Variants in CADM2 observed in about 807,000 individuals in gnomAD.
The protein encoded by CADM2 is immunoglobulin superfamily member 4D.
In CADM2, 12 loss-of-function variants were observed where a neutral mutation model predicts 49.8. The observed-to-expected ratio is 0.24, with a 90% CI of 0.15 to 0.39. The LOEUF (loss-of-function observed/expected upper bound fraction) is 0.39, where lower values mean the gene tolerates loss of function less well. Ranked by LOEUF, CADM2 falls within the 10% of genes least tolerant of loss-of-function variation. The pLI, the probability that CADM2 is intolerant of heterozygous loss-of-function variation, is 1.00. For synonymous variants in CADM2, 214 were observed against 175.4 expected (o/e 1.22, Z -1.74); for missense variants, 378 against 492.3 (o/e 0.77, Z 2.20).
chr3:85,315,161 C>T (rs867736717), intron 1 of CADM2, among the ~76,000 whole-genome samples: 3 of 152,030 alleles, frequency 2.0e-5, no homozygotes, highest in Non-Finnish European at 2.9e-5. Context: ...TCTTCCAGGC[C>T]GAGTGAAGTG....
In CADM2 at chr3:85,723,296, T is replaced by C. The variant is rs1225055252; in HGVS notation, c.62-3226T>C. On this transcript the variant is annotated intron_variant, in intron 1 of 9. Transcript: ENST00000383699. ...ATCTAAAACTTTTCTCTGGTCAAAGTATCTTTAATTCTGTTCTGTTTATTT... is the reference window on the plus strand; with the variant it reads ...ATCTAAAACTTTTCTCTGGTCAAAGCATCTTTAATTCTGTTCTGTTTATTT... Among the ~76,000 whole-genome samples the C allele has an allele frequency of 2.0e-5, 3 of 152,182 alleles. No individual in the cohort carries two copies. In the East Asian group the frequency reaches 5.8e-4, roughly 29 times the overall value.
intron 8 of CADM2, among the ~76,000 whole-genome samples, chr3:85,998,993 A>G (rs916837715): frequency 6.6e-6 from 1 of 152,200 alleles, no homozygotes; most frequent in East Asian, 1.9e-4. Flanking sequence ...GCAATTTATC[A>G]AAGTAAGAAA....
chr3:85,325,535 C>A (rs868119334), intron 1 of CADM2, among the ~76,000 whole-genome samples: 1 of 151,952 alleles, frequency 6.6e-6, no homozygotes, highest in Non-Finnish European at 1.5e-5. Flanking sequence ...CATGGCGAAA[C>A]CCCGTTTCTG....
intron 8 of CADM2, among the ~76,000 whole-genome samples, chr3:86,028,826 C>T (rs73136111): frequency 4.7e-4 from 71 of 152,234 alleles, no homozygotes; most frequent in Non-Finnish European, 9.0e-4. Flanking sequence ...GGTGATAATA[C>T]CTGGTTTACC....
chr3:85,886,136 T>C, intron 4 of CADM2, 54 bp from the exon 5 acceptor site: 1 of 1,599,534 alleles, frequency 6.3e-7, no homozygotes, highest in South Asian at 1.1e-5. Context: ...ATAGACATAA[T>C]AACAAATCAA....
At chr3:85,547,490 T>C (rs2061696166) in intron 1 of CADM2, among the ~76,000 whole-genome samples, 1 of 105,190 alleles carries the variant, frequency 9.5e-6, no homozygotes, top group Non-Finnish European at 2.4e-5. Flanking sequence ...CTGTTTGATA[T>C]GGTGGGAAAA....
At chr3:85,601,028 A>G (rs2063375700) in intron 1 of CADM2, among the ~76,000 whole-genome samples, 2 of 149,746 alleles carry the variant, frequency 1.3e-5, no homozygotes. Flanking sequence ...TTGCCTCCAT[A>G]TGTATATATT....
At chr3:85,714,652 G>A (rs1402124083) in intron 1 of CADM2, among the ~76,000 whole-genome samples, 4 of 151,802 alleles carry the variant, frequency 2.6e-5, no homozygotes, top group African/African-American at 9.7e-5. Context: ...GGATGGTCTC[G>A]ATCTCCTGAC....
intron 1 of CADM2, among the ~76,000 whole-genome samples, chr3:85,136,410 T>G (rs1250379338): frequency 6.6e-6 from 1 of 151,812 alleles, no homozygotes; most frequent in African/African-American, 2.4e-5. Flanking sequence ...TTGAAAAAGT[T>G]TAGAAACAGA....
intron 8 of CADM2, chr3:85,994,529 G>A (rs1489311149): frequency 6.6e-6 from 1 of 152,158 alleles, no homozygotes; most frequent in Non-Finnish European, 1.5e-5. Context: ...TTTACAACTT[G>A]ACTGGCACAA....
intron 8 of CADM2, among the ~76,000 whole-genome samples, chr3:86,065,113 TC>T (rs1263818211): frequency 1.3e-5 from 2 of 152,216 alleles, no homozygotes; most frequent in African/African-American, 4.8e-5. Context: ...TTCTCAGACC[TC>T]TTATTTTCTC....
chr3:85,891,263 G>A (rs529094066), intron 5 of CADM2, among the ~76,000 whole-genome samples: 2 of 152,246 alleles, frequency 1.3e-5, no homozygotes, highest in South Asian at 2.1e-4. Flanking sequence ...AGCTCCCTAA[G>A]AGCTTACATT....
In CADM2 at chr3:86,072,139, G is replaced by A. The variant is rs1171837341; in HGVS notation, c.*5356G>A. ...GTAATTTAATTATCCTAAAAGAAAT[G>A]ACAGATTCTTCTGTAGGAAAAAATA... On this transcript the variant is annotated 3_prime_UTR_variant, in exon 10 of 10. Transcript: ENST00000383699. 1.3e-5 allele frequency: 2 copies of A among 151,676 alleles called. No homozygotes were observed. The highest frequency in any genetic ancestry group is 4.8e-5 in the African/African-American group (2 of 41,368). 9.4% of individuals were successfully genotyped at this position (151,676 alleles called of 1,614,324 possible).
chr3:85,205,579 A>G (rs932193706), intron 1 of CADM2, among the ~76,000 whole-genome samples: 1 of 152,166 alleles, frequency 6.6e-6, no homozygotes, highest in Non-Finnish European at 1.5e-5. Context: ...ATAATTTTAG[A>G]AAAATAATTC....
intron 1 of CADM2, among the ~76,000 whole-genome samples, chr3:85,679,652 A>G (rs978843903): frequency 5.9e-5 from 9 of 152,072 alleles, no homozygotes; most frequent in African/African-American, 2.2e-4. Flanking sequence ...TTTCCGATTG[A>G]TTTGGGAGTT....
At chr3:85,300,404 G>A (rs2044067841) in intron 1 of CADM2, among the ~76,000 whole-genome samples, 1 of 151,968 alleles carries the variant, frequency 6.6e-6, no homozygotes, top group Non-Finnish European at 1.5e-5. Context: ...TTATATGAAA[G>A]GCATTTTTAT....
intron 1 of CADM2, among the ~76,000 whole-genome samples, chr3:85,597,820 T>C (rs2063287462): frequency 1.3e-5 from 2 of 152,070 alleles, no homozygotes; most frequent in African/African-American, 2.4e-5. Flanking sequence ...ACAAACCTAA[T>C]CAATATCTGC....
At chr3:85,179,143 T>A (rs1308898111) in intron 1 of CADM2, among the ~76,000 whole-genome samples, 1 of 152,002 alleles carries the variant, frequency 6.6e-6, no homozygotes, top group African/African-American at 2.4e-5. Context: ...CTTCTCCATA[T>A]ATTGCTAAGG....
chr3:86,021,280 G>T (rs1245979704), intron 8 of CADM2, among the ~76,000 whole-genome samples: 5 of 151,940 alleles, frequency 3.3e-5, no homozygotes, highest in Admixed American at 6.6e-5. Context: ...GATTTCAAGT[G>T]TGAGTCACCG....
Sources: allele counts gnomAD v4.1 joint callset (sites outside exome capture counted in the v4.1 genomes callset), GRCh38; gene constraint gnomAD v4.1.1; transcripts MANE v1.5; gene names NCBI Gene and HGNC (gene_info 2026-07-23, HGNC 2026-07-21).